The following ZBTB7C variants were observed in gnomAD, a reference collection of about 807,000 sequenced individuals.
ZBTB7C encodes zinc finger and BTB domain containing 7C, also known as zinc finger and BTB domain-containing protein 7C.
ZBTB7C carries 8 observed loss-of-function variants against 25.7 expected under a neutral mutation model. The observed-to-expected ratio is 0.31, with a 90% CI of 0.18 to 0.56. The LOEUF (loss-of-function observed/expected upper bound fraction) is 0.56, where lower values mean the gene tolerates loss of function less well. Among genes scored for constraint, ZBTB7C ranks in the 20% least tolerant of loss-of-function variants. The pLI, the probability that ZBTB7C is intolerant of heterozygous loss-of-function variation, is 0.91. For missense variants in ZBTB7C, 824 were observed against 855.2 expected (o/e 0.96, Z 0.46); for synonymous variants, 394 against 369.0 (o/e 1.07, Z -0.78).
At chr18:48,224,857 C>A (rs1388005033) in intron 2 of ZBTB7C, among the ~76,000 whole-genome samples, 1 of 152,178 alleles carries the variant, frequency 6.6e-6, no homozygotes, top group East Asian at 1.9e-4. Flanking sequence ...ATAATGAAAT[C>A]ATTAAACTGG....
chr18:48,186,997 G>A (rs1451860520), intron 2 of ZBTB7C, among the ~76,000 whole-genome samples: 4 of 152,206 alleles, frequency 2.6e-5, no homozygotes, highest in Non-Finnish European at 5.9e-5. Flanking sequence ...AGCGCAGACT[G>A]AGCAGCCTAG....
At chr18:48,258,955 C>A (rs1022223960) in intron 2 of ZBTB7C, among the ~76,000 whole-genome samples, 2 of 152,084 alleles carry the variant, frequency 1.3e-5, no homozygotes, top group African/African-American at 4.8e-5. Flanking sequence ...CTGCGCCCTG[C>A]CTTTTTTTGT....
chr18:48,079,535 C>T (rs1402974588), intron 3 of ZBTB7C, among the ~76,000 whole-genome samples: 1 of 152,132 alleles, frequency 6.6e-6, no homozygotes, highest in Non-Finnish European at 1.5e-5. Flanking sequence ...GGGGTACTGG[C>T]CACTTCATTT....
chr18:48,096,063 A>T (rs2038619576), intron 3 of ZBTB7C, among the ~76,000 whole-genome samples: 1 of 152,214 alleles, frequency 6.6e-6, no homozygotes, highest in African/African-American at 2.4e-5. Context: ...CTCTGCCGTT[A>T]TCGGGGGCTC....
At chr18:48,084,781 T>A (rs551646837) in intron 3 of ZBTB7C, among the ~76,000 whole-genome samples, 8 of 152,264 alleles carry the variant, frequency 5.3e-5, no homozygotes, top group Admixed American at 2.6e-4. Flanking sequence ...TATGTTGAGT[T>A]TGAAGCACTT....
At chr18:48,080,713 C>T (rs906313734) in intron 3 of ZBTB7C, among the ~76,000 whole-genome samples, 7 of 152,212 alleles carry the variant, frequency 4.6e-5, no homozygotes, top group Admixed American at 3.3e-4. Context: ...CCACTGTGAG[C>T]TTGGCTGGTC....
intron 2 of ZBTB7C, among the ~76,000 whole-genome samples, chr18:48,201,294 C>T (rs929083503): frequency 3.9e-5 from 6 of 152,190 alleles, no homozygotes; most frequent in African/African-American, 1.4e-4. Flanking sequence ...AACAATTAAA[C>T]CCTCCTCTGA....
At position 48,245,738 on chromosome 18, in the gene ZBTB7C, T is replaced by C. The variant is rs571626751; in HGVS notation, c.-78-59743A>G. Among the ~76,000 whole-genome samples the C allele has an allele frequency of 2.0e-5, 3 of 152,308 alleles. No homozygotes were observed. The East Asian group carries it at 5.8e-4, about 29-fold the overall frequency. On this transcript the variant is annotated intron_variant, in intron 2 of 4. Coordinates refer to ENST00000590800, the MANE Select transcript of ZBTB7C (RefSeq NM_001318841.2). Reference sequence around the variant, plus strand: ...GGAATTCCTAGAATGCTAGAGCCGGTTGAGCCCAGGTTGAGAGCTGTGCTC... The same window carrying C: ...GGAATTCCTAGAATGCTAGAGCCGGCTGAGCCCAGGTTGAGAGCTGTGCTC...
intron 3 of ZBTB7C, among the ~76,000 whole-genome samples, chr18:48,143,096 C>T (rs1190491814): frequency 6.6e-6 from 1 of 152,136 alleles, no homozygotes; most frequent in African/African-American, 2.4e-5. Context: ...CTTAGGCAAA[C>T]CACTTTTCCA....
At chr18:48,057,546 C>G (rs577609942) in intron 3 of ZBTB7C, among the ~76,000 whole-genome samples, 1 of 152,154 alleles carries the variant, frequency 6.6e-6, no homozygotes, top group Non-Finnish European at 1.5e-5. Context: ...TAGAGCCTTC[C>G]TACTGGAGAG....
chr18:48,359,108 A>G (rs1025154666), intron 1 of ZBTB7C, among the ~76,000 whole-genome samples: 3 of 152,156 alleles, frequency 2.0e-5, no homozygotes, highest in Non-Finnish European at 2.9e-5. Context: ...CCCGGAGTAC[A>G]TCCTGTGACC....
chr18:48,333,850 C>T (rs568233789), intron 2 of ZBTB7C, among the ~76,000 whole-genome samples: 2 of 152,330 alleles, frequency 1.3e-5, no homozygotes, highest in South Asian at 4.1e-4. Context: ...CACACACAGT[C>T]AAATGTGGAC....
At chr18:48,333,764 CA>C (rs1244216506) in intron 2 of ZBTB7C, among the ~76,000 whole-genome samples, 1 of 152,178 alleles carries the variant, frequency 6.6e-6, no homozygotes, top group Non-Finnish European at 1.5e-5. Context: ...GGGGGCTCTC[CA>C]GTCTAGAGAG....
intron 4 of ZBTB7C, among the ~76,000 whole-genome samples, chr18:48,032,007 T>C (rs2144077409): frequency 6.6e-6 from 1 of 152,288 alleles, no homozygotes; most frequent in East Asian, 1.9e-4. Flanking sequence ...TCGGCTGGGC[T>C]CCCTCACCAG....
At position 48,170,636 on chromosome 18, in the gene ZBTB7C, C is replaced by T. The variant is rs552588151; in HGVS notation, c.-17+15298G>A. On this transcript the variant is annotated intron_variant, in intron 3 of 4. Coordinates refer to ENST00000590800, the MANE Select transcript of ZBTB7C (RefSeq NM_001318841.2). ...CTGGTCCTCAGACCTTTAGAGGAGG[C>T]CAGGAGGAGAAAAAGAGCCATTGAC... 9.9e-5 allele frequency among the ~76,000 whole-genome samples: 15 copies of T among 152,262 alleles called. No individual in the cohort carries two copies. The South Asian group carries it at 3.1e-3, about 32-fold the overall frequency.
At chr18:48,172,055 C>T (rs535075065) in intron 3 of ZBTB7C, among the ~76,000 whole-genome samples, 19 of 152,354 alleles carry the variant, frequency 1.2e-4, no homozygotes, top group Admixed American at 6.5e-4. Context: ...TTCACAGCTA[C>T]CTGGGACAAG....
intron 2 of ZBTB7C, among the ~76,000 whole-genome samples, chr18:48,206,290 A>G (rs2042574588): frequency 6.6e-6 from 1 of 152,174 alleles, no homozygotes; most frequent in Admixed American, 6.5e-5. Flanking sequence ...AGATAGACAT[A>G]TTCACATATG....
At chr18:48,101,743 C>T (rs148669589) in intron 3 of ZBTB7C, among the ~76,000 whole-genome samples, 20 of 152,270 alleles carry the variant, frequency 1.3e-4, no homozygotes, top group East Asian at 5.8e-4. Context: ...TGTTACCAAC[C>T]GGTATGGACT....
intron 2 of ZBTB7C, among the ~76,000 whole-genome samples, chr18:48,254,456 T>C (rs886167233): frequency 2.0e-5 from 3 of 152,192 alleles, no homozygotes; most frequent in African/African-American, 7.2e-5. Flanking sequence ...GTGGGCCCTA[T>C]GTAAATCAGG....
Sources: gnomAD v4.1 joint callset for allele counts (sites outside exome capture counted in the v4.1 genomes callset) on GRCh38, gnomAD v4.1.1 for gene constraint, MANE v1.5 for transcripts, NCBI Gene and HGNC (gene_info 2026-07-23, HGNC 2026-07-21) for gene names.